CERT1: variants seen among roughly 807,000 people sequenced by gnomAD.
CERT1 encodes ceramide transfer protein.
CERT1 carries 31 observed loss-of-function variants against 87.9 expected under a neutral mutation model. That is an observed-to-expected ratio of 0.35 (90% confidence interval 0.27 to 0.48). The LOEUF is 0.48. CERT1 is among the 20% of genes least tolerant of loss of function. The pLI is 0.99. For missense variants in CERT1, 487 were observed against 758.0 expected (o/e 0.64, Z 4.20); for synonymous variants, 289 against 250.9 (o/e 1.15, Z -1.44).
intron 2 of CERT1, among the ~76,000 whole-genome samples, chr5:75,501,060 C>T (rs1003610949): frequency 1.3e-5 from 2 of 151,650 alleles, no homozygotes; most frequent in African/African-American, 4.8e-5. Flanking sequence ...ATCACCTTGG[C>T]TCCACCTGCG....
chr5:75,479,469 C>A (rs1036360944), intron 2 of CERT1, among the ~76,000 whole-genome samples: 1 of 152,082 alleles, frequency 6.6e-6, no homozygotes, highest in South Asian at 2.1e-4. Flanking sequence ...CTCAAGTAGA[C>A]CCCAGAGTCC....
At chr5:75,393,546 C>CT (rs935667922) in intron 11 of CERT1, among the ~76,000 whole-genome samples, 2 of 120,998 alleles carry the variant, frequency 1.7e-5, no homozygotes, top group African/African-American at 6.3e-5. Flanking sequence ...GGGAGGATTG[C>CT]TTGGGCCTAG....
chr5:75,386,136 A>G (rs1328874524), intron 12 of CERT1, 102 bp from the exon 13 acceptor site: 1 of 898,020 alleles, frequency 1.1e-6, no homozygotes, highest in Non-Finnish European at 1.5e-6. Flanking sequence ...ATTTTTATGA[A>G]AGTCTATTTA....
chr5:75,442,927 CTT>C (rs1374052428), intron 3 of CERT1, among the ~76,000 whole-genome samples: 1 of 152,052 alleles, frequency 6.6e-6, no homozygotes, highest in Non-Finnish European at 1.5e-5. Context: ...CTAAAATAAA[CTT>C]TATCGTAAGT....
intron 3 of CERT1, among the ~76,000 whole-genome samples, chr5:75,456,564 C>T (rs944193378): frequency 8.8e-5 from 13 of 146,924 alleles, no homozygotes; most frequent in African/African-American, 3.3e-4. Context: ...GTCCCAGCTA[C>T]TTGGGAGGCT....
At chr5:75,381,001 A>G (rs1191954346) in intron 16 of CERT1, 71 bp downstream of exon 16, 1 of 1,537,592 alleles carries the variant, frequency 6.5e-7, no homozygotes, top group East Asian at 2.3e-5. Flanking sequence ...GCATTTGTCC[A>G]AATTGTTGTC....
At chr5:75,390,601 G>A (rs1281970636) in intron 11 of CERT1, among the ~76,000 whole-genome samples, 1 of 152,074 alleles carries the variant, frequency 6.6e-6, no homozygotes, top group Non-Finnish European at 1.5e-5. Context: ...GAGAACTGAA[G>A]TGATACAAAG....
At chr5:75,489,871 A>AC (rs1766694483) in intron 2 of CERT1, among the ~76,000 whole-genome samples, 1 of 152,222 alleles carries the variant, frequency 6.6e-6, no homozygotes, top group Non-Finnish European at 1.5e-5. Context: ...CTGGGTATAT[A>AC]CCCAAAGGAT....
chr5:75,380,266 TAA>T (rs1761508119), intron 16 of CERT1, among the ~76,000 whole-genome samples: 1 of 152,016 alleles, frequency 6.6e-6, no homozygotes, highest in Admixed American at 6.6e-5. Context: ...AACTAGCAAC[TAA>T]TAAGGACTAG....
chr5:75,393,890 G>A (rs183858990), intron 11 of CERT1, among the ~76,000 whole-genome samples: 8 of 151,782 alleles, frequency 5.3e-5, no homozygotes, highest in Non-Finnish European at 8.8e-5. Flanking sequence ...ACTTGAACCC[G>A]GGAGGCGGAG....
At chr5:75,393,921 C>T (rs113790820) in intron 11 of CERT1, among the ~76,000 whole-genome samples, 7 of 151,818 alleles carry the variant, frequency 4.6e-5, no homozygotes, top group East Asian at 3.9e-4. Flanking sequence ...GCCGAGATCG[C>T]GCCACTGCAC....
chr5:75,509,531 T>TA (rs1767814783), intron 1 of CERT1, among the ~76,000 whole-genome samples: 1 of 152,200 alleles, frequency 6.6e-6, no homozygotes, highest in Non-Finnish European at 1.5e-5. Flanking sequence ...AATACATTTG[T>TA]ATGCATTTAA....
intron 3 of CERT1, among the ~76,000 whole-genome samples, chr5:75,452,013 AAT>A (rs1206254031): frequency 6.6e-6 from 1 of 152,184 alleles, no homozygotes; most frequent in Non-Finnish European, 1.5e-5. Flanking sequence ...TTTCAAGTAA[AAT>A]ATATGTTCCT....
intron 2 of CERT1, among the ~76,000 whole-genome samples, chr5:75,474,916 T>C (rs965800080): frequency 7.4e-6 from 1 of 134,886 alleles, no homozygotes; most frequent in Non-Finnish European, 1.5e-5. Flanking sequence ...ATGTAGTCTA[T>C]TTGAGGGAGT....
intron 2 of CERT1, among the ~76,000 whole-genome samples, chr5:75,502,487 T>C (rs1767420938): frequency 6.6e-6 from 1 of 152,082 alleles, no homozygotes; most frequent in Non-Finnish European, 1.5e-5. Flanking sequence ...TCCAGGCAAA[T>C]AAATATAATA....
rs1189834225 is a variant in CERT1, at chr5:75,378,608, AAGAT to A, written c.*734_*737del. On this transcript the variant is annotated 3_prime_UTR_variant, in exon 17 of 17. Transcript: ENST00000643780. ...TTACACATCTCATGTCTTATAAAGA[AAGAT>A]AGTCAAGATACATTGTTAAGTGAAA... is the stretch of plus-strand genomic sequence containing the variant. 1 of 152,218 alleles carries A rather than the reference AAGAT, an allele frequency of 6.6e-6. No homozygotes were observed. Among genetic ancestry groups the A allele is most frequent in the Non-Finnish European group, 1.5e-5 (1 of 68,042 alleles). 9.4% of individuals were successfully genotyped at this position (152,218 alleles called of 1,614,324 possible).
chr5:75,376,797 G>A (rs923827347), downstream of CERT1: 2 of 152,090 alleles, frequency 1.3e-5, no homozygotes, highest in Non-Finnish European at 2.9e-5. Flanking sequence ...AGACATCAAT[G>A]CAATATCCCT....
intron 3 of CERT1, among the ~76,000 whole-genome samples, chr5:75,453,825 TGA>T (rs34231077): frequency 0.99 from 149,165 of 150,310 alleles, 74,013 homozygotes; most frequent in South Asian, 1. Flanking sequence ...TGTATGTATG[TGA>T]GAGAGAGAGA....
intron 8 of CERT1, among the ~76,000 whole-genome samples, chr5:75,409,813 C>T (rs192363734): frequency 3.8e-4 from 57 of 151,356 alleles, no homozygotes; most frequent in African/African-American, 9.0e-4. Flanking sequence ...AGGTGTGAAC[C>T]ACCGTGCTGG....
Sources: allele counts gnomAD v4.1 joint callset (sites outside exome capture counted in the v4.1 genomes callset), GRCh38; gene constraint gnomAD v4.1.1; transcripts MANE v1.5; gene names NCBI Gene and HGNC (gene_info 2026-07-23, HGNC 2026-07-21).